Variants in CSMD1 observed in about 807,000 individuals in gnomAD.
CSMD1 encodes the protein CUB and Sushi multiple domains 1, also known as CUB and sushi domain-containing protein 1.
In CSMD1, 213 loss-of-function variants were observed where a neutral mutation model predicts 417.5. The observed-to-expected ratio is 0.51, with a 90% CI of 0.46 to 0.57. The LOEUF is 0.57. Ranked by LOEUF, CSMD1 falls within the 20% of genes least tolerant of loss-of-function variation. CSMD1 has a pLI of 0.00. For synonymous variants in CSMD1, 2,862 were observed against 1,736.8 expected (o/e 1.65, Z -16.11); for missense variants, 6,923 against 4,529.7 (o/e 1.53, Z -15.17).
chr8:4,119,752 C>T (rs1802373967), intron 3 of CSMD1, among the ~76,000 whole-genome samples: 1 of 152,188 alleles, frequency 6.6e-6, no homozygotes, highest in African/African-American at 2.4e-5. Flanking sequence ...GGGAAATGAA[C>T]ATCCATGGCA....
In CSMD1 at chr8:3,796,295, T is replaced by C. The variant is rs796452063; in HGVS notation, c.819-42253A>G. 7.6e-5 allele frequency among the ~76,000 whole-genome samples: 5 copies of C among 65,786 alleles called. 2 individuals carry two copies. The highest frequency in any genetic ancestry group is 1.4e-4 in the Non-Finnish European group (5 of 35,066). 43.2% of individuals were successfully genotyped at this position (65,786 alleles called of 152,430 possible). A position where few individuals can be genotyped will look rare whatever the true frequency, so the allele number is the denominator to read the frequency against. ...TATATATCTATCATGTATAGATATA[T>C]CTATCATGTATAGATATAGATATCT... On this transcript the variant is annotated intron_variant, in intron 5 of 69. Transcript: ENST00000635120.
At chr8:3,098,474 A>G (rs1016934766) in intron 46 of CSMD1, among the ~76,000 whole-genome samples, 4 of 152,194 alleles carry the variant, frequency 2.6e-5, no homozygotes, top group Admixed American at 2.0e-4. Context: ...TAAGACCACC[A>G]ATCATAAAAC....
chr8:3,455,398 G>C (rs921200985), intron 12 of CSMD1, among the ~76,000 whole-genome samples: 4 of 152,194 alleles, frequency 2.6e-5, no homozygotes, highest in South Asian at 2.1e-4. Context: ...CTGATTTTTA[G>C]AGTCTCCAGT....
At chr8:3,854,982 C>G (rs1428626335) in intron 5 of CSMD1, among the ~76,000 whole-genome samples, 1 of 152,044 alleles carries the variant, frequency 6.6e-6, no homozygotes, top group African/African-American at 2.4e-5. Flanking sequence ...CACAAATGTC[C>G]AGGCCCAGTA....
intron 25 of CSMD1, among the ~76,000 whole-genome samples, chr8:3,304,278 T>TAATACAGA (rs1804642140): frequency 6.6e-6 from 1 of 152,148 alleles, no homozygotes; most frequent in Non-Finnish European, 1.5e-5. Context: ...ACATTGTAGG[T>TAATACAGA]AATACAGACT....
intron 3 of CSMD1, among the ~76,000 whole-genome samples, chr8:4,053,861 G>C (rs937264170): frequency 2.0e-5 from 3 of 152,052 alleles, no homozygotes; most frequent in Non-Finnish European, 4.4e-5. Context: ...TTTATATATT[G>C]ACTATACATG....
rs571645906 is a variant in CSMD1, at chr8:4,191,347, G to T, written c.416-159248C>A. 3.9e-5 allele frequency among the ~76,000 whole-genome samples: 6 copies of T among 152,134 alleles called. 1 individual carries two copies. Among genetic ancestry groups the T allele is most frequent in the African/African-American group, 1.4e-4 (6 of 41,420 alleles). ...GGAGGCAGAGCCTGCAGTGAGCAGA[G>T]ATCGCGCCACTGCACTCCAGCCTGG... On this transcript the variant is annotated intron_variant, in intron 3 of 69. Coordinates refer to ENST00000635120, the MANE Select transcript of CSMD1 (RefSeq NM_033225.6).
At chr8:3,287,787 T>G (rs1009405474) in intron 25 of CSMD1, among the ~76,000 whole-genome samples, 1 of 151,998 alleles carries the variant, frequency 6.6e-6, no homozygotes, top group Non-Finnish European at 1.5e-5. Flanking sequence ...AATTGAATAC[T>G]CTTTATTTCC....
At chr8:3,268,528 C>G (rs765486612) in intron 26 of CSMD1, among the ~76,000 whole-genome samples, 1 of 151,812 alleles carries the variant, frequency 6.6e-6, no homozygotes, top group African/African-American at 2.4e-5. Flanking sequence ...TGACCTCATC[C>G]GCCCACCTCG....
intron 3 of CSMD1, among the ~76,000 whole-genome samples, chr8:4,408,257 G>A (rs1280622802): frequency 1.3e-5 from 2 of 152,228 alleles, no homozygotes; most frequent in South Asian, 2.1e-4. Context: ...TCTCCTCAGA[G>A]GATATGAAAG....
intron 7 of CSMD1, among the ~76,000 whole-genome samples, chr8:3,693,721 G>C (rs1156480915): frequency 6.6e-6 from 1 of 152,106 alleles, no homozygotes; most frequent in Admixed American, 6.6e-5. Context: ...TGTATGTGTT[G>C]TGTGTGTTAT....
chr8:4,427,081 C>G (rs1388300598), intron 2 of CSMD1, among the ~76,000 whole-genome samples: 1 of 152,060 alleles, frequency 6.6e-6, no homozygotes, highest in African/African-American at 2.4e-5. Context: ...TCAAAGAGCA[C>G]AGGTGGCTGT....
intron 8 of CSMD1, among the ~76,000 whole-genome samples, chr8:3,595,271 G>C (rs1473843045): frequency 2.0e-5 from 3 of 152,196 alleles, no homozygotes; most frequent in Admixed American, 1.3e-4. Flanking sequence ...ATGTCCCATT[G>C]TGTGACTTGC....
intron 1 of CSMD1, among the ~76,000 whole-genome samples, chr8:4,955,118 G>T (rs775986093): frequency 6.6e-6 from 1 of 151,994 alleles, no homozygotes; most frequent in Non-Finnish European, 1.5e-5. Context: ...GCTTTAAATG[G>T]GACTCTTTGG....
chr8:3,415,029 A>C (rs1813043440), intron 12 of CSMD1, among the ~76,000 whole-genome samples: 1 of 152,190 alleles, frequency 6.6e-6, no homozygotes, highest in South Asian at 2.1e-4. Context: ...GCACCTGTTC[A>C]GAGTCAACAC....
At chr8:4,090,320 G>C (rs528445175) in intron 3 of CSMD1, among the ~76,000 whole-genome samples, 1 of 152,252 alleles carries the variant, frequency 6.6e-6, no homozygotes, top group African/African-American at 2.4e-5. Flanking sequence ...CGTTTATAAA[G>C]AAACATTAAA....
chr8:3,417,730 T>C (rs988958790), intron 12 of CSMD1, among the ~76,000 whole-genome samples: 4 of 152,340 alleles, frequency 2.6e-5, no homozygotes, highest in South Asian at 2.1e-4. Context: ...TCATTTTTTT[T>C]CCCTGAGACT....
chr8:4,972,495 G>T (rs1051879126), intron 1 of CSMD1, among the ~76,000 whole-genome samples: 11 of 152,092 alleles, frequency 7.2e-5, no homozygotes, highest in Non-Finnish European at 5.9e-5. Flanking sequence ...TGAAGAAGGT[G>T]CCTGACTTCC....
At chr8:3,844,126 T>C (rs191412909) in intron 5 of CSMD1, among the ~76,000 whole-genome samples, 15 of 152,306 alleles carry the variant, frequency 9.8e-5, no homozygotes. Context: ...TACATAAGAA[T>C]AGTACTTTAA....
Sources: gnomAD v4.1 joint callset for allele counts (sites outside exome capture counted in the v4.1 genomes callset) on GRCh38, gnomAD v4.1.1 for gene constraint, MANE v1.5 for transcripts, NCBI Gene and HGNC (gene_info 2026-07-23, HGNC 2026-07-21) for gene names.